The following SYT7 variants were observed in gnomAD, a reference collection of about 807,000 sequenced individuals.
SYT7 encodes synaptotagmin-7.
A neutral mutation model predicts 75.1 loss-of-function variants in SYT7; 29 were observed. That is an observed-to-expected ratio of 0.39 (90% CI 0.29 to 0.53). The LOEUF is 0.53. Ranked by LOEUF, SYT7 falls within the 20% of genes least tolerant of loss-of-function variation. The pLI is 0.77. For synonymous variants in SYT7, 376 were observed against 401.7 expected, an observed-to-expected ratio of 0.94 and a Z score of 0.76; for missense variants, 693 against 953.2, an observed-to-expected ratio of 0.73 and a Z score of 3.59.
intron 12 of SYT7, among the ~76,000 whole-genome samples, chr11:61,520,832 A>C (rs561365820): frequency 6.6e-6 from 1 of 152,302 alleles, no homozygotes; most frequent in South Asian, 2.1e-4. Context: ...CAAAAAACAA[A>C]ACAAAACGAA....
intron 2 of SYT7, among the ~76,000 whole-genome samples, chr11:61,552,524 CCT>C (rs1432657574): frequency 1.3e-5 from 2 of 152,176 alleles, no homozygotes; most frequent in African/African-American, 2.4e-5. Context: ...TTCCCAACAC[CCT>C]GTCATGTGCA....
chr11:61,531,792 G>C (rs1278445319), intron 8 of SYT7, among the ~76,000 whole-genome samples: 1 of 151,366 alleles, frequency 6.6e-6, no homozygotes, highest in Non-Finnish European at 1.5e-5. Context: ...TACTCGGGAG[G>C]CTGAGGGAGG....
intron 1 of SYT7, among the ~76,000 whole-genome samples, chr11:61,575,766 C>T (rs1770423525): frequency 6.6e-6 from 1 of 152,186 alleles, no homozygotes; most frequent in Admixed American, 6.5e-5. Flanking sequence ...GCTACAAATA[C>T]ACTCATTAGC....
intron 5 of SYT7, among the ~76,000 whole-genome samples, chr11:61,545,494 A>G (rs2063158056): frequency 6.6e-6 from 1 of 152,208 alleles, no homozygotes; most frequent in African/African-American, 2.4e-5. Context: ...CAGATGATGT[A>G]TGGTTCAAGC....
intron 6 of SYT7, chr11:61,541,216 G>A (rs919736113): frequency 2.3e-5 from 23 of 985,478 alleles, no homozygotes; most frequent in Non-Finnish European, 2.5e-5. Flanking sequence ...CTTTCTCCTC[G>A]CCCAGGCTTA....
chr11:61,545,679 C>T (rs906398413), intron 5 of SYT7, among the ~76,000 whole-genome samples: 1 of 152,174 alleles, frequency 6.6e-6, no homozygotes, highest in Non-Finnish European at 1.5e-5. Context: ...GGCCTGCTGC[C>T]CATGGAGGGA....
intron 1 of SYT7, among the ~76,000 whole-genome samples, chr11:61,560,902 C>T (rs1382207252): frequency 2.6e-5 from 4 of 152,122 alleles, no homozygotes; most frequent in Admixed American, 6.5e-5. Flanking sequence ...GGCTGCTGTA[C>T]CTCTCGCAGA....
At chr11:61,556,044 G>C in intron 2 of SYT7, 60 bp downstream of exon 2, 1 of 1,413,264 alleles carries the variant, frequency 7.1e-7, no homozygotes, top group Non-Finnish European at 9.9e-7. Context: ...GTGTGTGTGG[G>C]GAGGGGGGGC....
chr11:61,576,985 T>C lies in SYT7; in HGVS notation c.31+3805A>G, dbSNP rs2064100693. On this transcript the variant is annotated intron_variant, in intron 1 of 12. Transcript: ENST00000539008. This position sits in a 1 kb window ranked among gnomAD's most constrained non-coding sequence, Gnocchi z 4.1. ...AGCTGTCCCCTTACCTGTCACCTAC[T>C]GGCCTGTACGTTCCCACCTCAATCC... 6.6e-6 allele frequency among the ~76,000 whole-genome samples: 1 copy of C among 152,142 alleles called. No individual in the cohort carries two copies. The highest frequency in any genetic ancestry group is 6.5e-5 in the Admixed American group (1 of 15,286).
chr11:61,559,425 C>T (rs1451284869), intron 1 of SYT7, among the ~76,000 whole-genome samples: 3 of 152,092 alleles, frequency 2.0e-5, no homozygotes, highest in African/African-American at 4.8e-5. Context: ...AAGGAAAGGA[C>T]GGCCTGATGG....
At chr11:61,579,838 A>C (rs1422122868) in intron 1 of SYT7, among the ~76,000 whole-genome samples, 1 of 152,224 alleles carries the variant, frequency 6.6e-6, no homozygotes, top group East Asian at 1.9e-4. Flanking sequence ...CCCTGATGCC[A>C]GAACTGGCAG....
At chr11:61,585,296 G>A (rs1293912585), upstream of SYT7, among the ~76,000 whole-genome samples, 1 of 151,904 alleles carries the variant, frequency 6.6e-6, no homozygotes, top group Non-Finnish European at 1.5e-5. Flanking sequence ...TAATAAAAAT[G>A]CTGAGGAAGC....
In SYT7 at chr11:61,523,031, C is replaced by T; in HGVS notation, c.1956+44G>A. On this transcript the variant is annotated intron_variant, in intron 12 of 12. Coordinates refer to ENST00000539008, the MANE Select transcript of SYT7 (RefSeq NM_001365809.2). This position sits in a 1 kb window ranked among gnomAD's most constrained non-coding sequence, Gnocchi z 5.0. ...CTGCTTCTTTTAAGGAACGGAGCCT[C>T]ACTGGTGCCAGCAGGTGCACCACAC... is the stretch of plus-strand genomic sequence containing the variant. 1 of 1,604,282 alleles carries T rather than the reference C, an allele frequency of 6.2e-7. No homozygotes were observed. The highest frequency in any genetic ancestry group is 1.9e-4 in the Middle Eastern group (1 of 5,384).
intron 12 of SYT7, among the ~76,000 whole-genome samples, chr11:61,522,789 G>A (rs2062385399): frequency 6.6e-6 from 1 of 151,468 alleles, no homozygotes; most frequent in African/African-American, 2.5e-5. Flanking sequence ...CCTTTCTTTT[G>A]AGATCCAGGC....
upstream of SYT7, among the ~76,000 whole-genome samples, chr11:61,584,857 T>C (rs1424601973): frequency 6.6e-6 from 1 of 152,254 alleles, no homozygotes; most frequent in Non-Finnish European, 1.5e-5. Flanking sequence ...CCTCTGGGCA[T>C]TCAGCTTCTC....
intron 1 of SYT7, among the ~76,000 whole-genome samples, chr11:61,557,388 T>G (rs2063527034): frequency 1.3e-5 from 2 of 152,228 alleles, no homozygotes; most frequent in Non-Finnish European, 2.9e-5. Flanking sequence ...GGTTTTAGCT[T>G]CTGCCTTTCT....
chr11:61,533,018 C>T lies in SYT7; in HGVS notation c.1171G>A (p.Val391Ile), dbSNP rs1314727917. 5.0e-6 allele frequency: 8 copies of T among 1,613,628 alleles called. No individual in the cohort carries two copies. The highest frequency in any genetic ancestry group is 1.3e-5 in the African/African-American group (1 of 75,064). Residue 391 changes from valine to isoleucine, a missense_variant, in exon 8 of 13, where the codon GTC (valine) becomes ATC (isoleucine). By Grantham distance (29) the Val-to-Ile change is conservative. This residue lies in a region of SYT7 where 487 missense variants were observed against 593.2 expected (regional missense o/e 0.82). Coordinates refer to ENST00000539008, the MANE Select transcript of SYT7 (RefSeq NM_001365809.2). ...AGCATCTCGCTGGTGAGGGAGTTGACGAGGTCTGAGACGGAGGAACGTGGC... is the reference window on the plus strand; with the variant it reads ...AGCATCTCGCTGGTGAGGGAGTTGATGAGGTCTGAGACGGAGGAACGTGGC... ...TEPRSSVSDLVNSLTSEMLML... is the reference protein window; with the variant it reads ...TEPRSSVSDLINSLTSEMLML...
upstream of SYT7, among the ~76,000 whole-genome samples, chr11:61,583,333 A>G (rs1349307841): frequency 6.6e-6 from 1 of 152,202 alleles, no homozygotes; most frequent in East Asian, 1.9e-4. Context: ...TCCACCCATC[A>G]ATCTGAAAGT....
chr11:61,523,992 T>C lies in SYT7; in HGVS notation c.1642-51A>G. On this transcript the variant is annotated intron_variant, in intron 10 of 12. Transcript: ENST00000539008. The surrounding 1 kb of genome is among the most constrained non-coding windows in gnomAD (Gnocchi z 5.0). ...GGGGAACTAGGCTAGCAGAGCTCTC[T>C]GATTGGCCTAGCTGCCCCCAGGTCC... 1.9e-6 allele frequency: 3 copies of C among 1,557,068 alleles called. No individual in the cohort carries two copies. Among genetic ancestry groups the C allele is most frequent in the Non-Finnish European group, 2.7e-6 (3 of 1,129,154 alleles).
Sources: gnomAD v4.1 joint callset for allele counts (sites outside exome capture counted in the v4.1 genomes callset) on GRCh38, gnomAD v4.1.1 for gene constraint, gnomAD v4.1.1 regional missense constraint, Gnocchi (gnomAD v3.1) non-coding constraint, MANE v1.5 for transcripts, NCBI Gene and HGNC (gene_info 2026-07-23, HGNC 2026-07-21) for gene names.